Variants in INTS9 observed in about 807,000 individuals in gnomAD.
INTS9 encodes the protein integrator complex subunit 9, also known as protein related to CPSF subunits of 74 kDa.
Under a neutral mutation model 79.7 loss-of-function variants are expected in INTS9, and 55 were observed. The ratio of observed to expected loss-of-function variants is 0.69; its 90% CI spans 0.56 to 0.86. INTS9 has a LOEUF of 0.86. INTS9 is among the 40% of genes least tolerant of loss of function. INTS9 has a pLI of 0.00. For missense variants in INTS9, 721 were observed against 831.5 expected, an observed-to-expected ratio of 0.87 and a Z score of 1.64; for synonymous variants, 319 against 325.2, an observed-to-expected ratio of 0.98 and a Z score of 0.20.
At chr8:28,860,898 G>T (rs754069612) in intron 1 of INTS9, among the ~76,000 whole-genome samples, 13 of 152,206 alleles carry the variant, frequency 8.5e-5, no homozygotes, top group Admixed American at 2.6e-4. Flanking sequence ...TGCTCTGTTG[G>T]TTCTATCTTT....
intron 5 of INTS9, among the ~76,000 whole-genome samples, chr8:28,836,241 G>A (rs1296699599): frequency 6.6e-6 from 1 of 152,210 alleles, no homozygotes; most frequent in Non-Finnish European, 1.5e-5. Context: ...AGCTCTCTCT[G>A]AGATGAGACG....
chr8:28,819,068 A>G (rs373688481), intron 6 of INTS9, among the ~76,000 whole-genome samples: 1 of 152,006 alleles, frequency 6.6e-6, no homozygotes, highest in Non-Finnish European at 1.5e-5. Context: ...TCTTGCTAGC[A>G]GTCTATCAAT....
At chr8:28,835,105 C>T (rs1806727511) in intron 6 of INTS9, among the ~76,000 whole-genome samples, 187 bp downstream of exon 6, 1 of 152,236 alleles carries the variant, frequency 6.6e-6, no homozygotes, top group Non-Finnish European at 1.5e-5. Context: ...CAGCATAGCA[C>T]CTTGCACATA....
chr8:28,783,619 A>C (rs918923407), intron 11 of INTS9: 3 of 152,164 alleles, frequency 2.0e-5, no homozygotes, highest in Non-Finnish European at 4.4e-5. Flanking sequence ...CACCTTGAAG[A>C]CCTCATCTTT....
intron 2 of INTS9, among the ~76,000 whole-genome samples, chr8:28,857,332 T>C (rs1053043046): frequency 2.6e-5 from 4 of 152,128 alleles, no homozygotes; most frequent in Non-Finnish European, 5.9e-5. Context: ...TGCATTATCA[T>C]GGAGGTCAGT....
At chr8:28,819,063 C>T (rs1805672257) in intron 6 of INTS9, among the ~76,000 whole-genome samples, 1 of 152,074 alleles carries the variant, frequency 6.6e-6, no homozygotes, top group Non-Finnish European at 1.5e-5. Flanking sequence ...ATTAGTCTTG[C>T]TAGCAGTCTA....
At chr8:28,868,211 A>T (rs1808871030) in intron 1 of INTS9, among the ~76,000 whole-genome samples, 1 of 152,238 alleles carries the variant, frequency 6.6e-6, no homozygotes, top group Non-Finnish European at 1.5e-5. Flanking sequence ...GACTGATGCA[A>T]TAAAGGTCCC....
chr8:28,883,182 T>A (rs1809990303), intron 1 of INTS9, among the ~76,000 whole-genome samples: 1 of 152,246 alleles, frequency 6.6e-6, no homozygotes, highest in African/African-American at 2.4e-5. Flanking sequence ...GCCTCTCCAA[T>A]CTGTCTGATC....
chr8:28,779,794 T>C (rs922214818), intron 12 of INTS9, among the ~76,000 whole-genome samples: 2 of 152,180 alleles, frequency 1.3e-5, no homozygotes, highest in African/African-American at 4.8e-5. Flanking sequence ...TGGTGGCCTC[T>C]AGGTCACAAA....
chr8:28,832,280 AG>A (rs1383491423), intron 6 of INTS9, among the ~76,000 whole-genome samples: 7 of 152,248 alleles, frequency 4.6e-5, no homozygotes, highest in Non-Finnish European at 7.3e-5. Context: ...GTACTGCACC[AG>A]GGCAGTCAGA....
chr8:28,882,504 AGAAATATATGCAAGCGATATTAACAGC>A (rs1809929500), intron 1 of INTS9, among the ~76,000 whole-genome samples: 1 of 144,734 alleles, frequency 6.9e-6, no homozygotes, highest in Admixed American at 6.8e-5. Context: ...TAAAAAAAAA[AGAAATATATGCAAGCGATATTAACAGC>A]TAAAAAAAAA....
At position 28,837,617 on chromosome 8, in the gene INTS9, G is replaced by A. The variant is rs1178676596; in HGVS notation, c.401+20C>T. Reference sequence around the variant, plus strand: ...AGCTCCGCAGTCACATCCTAGCAGGGTCAGAATCAACCCTCTCACCTGCCG... The same window carrying A: ...AGCTCCGCAGTCACATCCTAGCAGGATCAGAATCAACCCTCTCACCTGCCG... On this transcript the variant is annotated intron_variant, in intron 5 of 16. Coordinates refer to ENST00000521022, the MANE Select transcript of INTS9 (RefSeq NM_018250.4). 1 of 1,610,294 alleles carries A rather than the reference G, an allele frequency of 6.2e-7. No individual in the cohort carries two copies. Among genetic ancestry groups the A allele is most frequent in the Admixed American group, 1.7e-5 (1 of 59,850 alleles).
chr8:28,850,123 T>A, intron 3 of INTS9, 90 bp downstream of exon 3: 35 of 833,968 alleles, frequency 4.2e-5, no homozygotes, highest in Middle Eastern at 2.4e-4. Flanking sequence ...AAAAAAGCCA[T>A]CAGTCACACT....
intron 1 of INTS9, among the ~76,000 whole-genome samples, chr8:28,877,787 C>G (rs961120385): frequency 2.6e-5 from 4 of 152,076 alleles, no homozygotes; most frequent in Non-Finnish European, 4.4e-5. Flanking sequence ...AAATCAACAA[C>G]AAAAACCATG....
intron 4 of INTS9, among the ~76,000 whole-genome samples, chr8:28,846,426 A>G (rs1807518725): frequency 6.6e-6 from 1 of 152,218 alleles, no homozygotes; most frequent in South Asian, 2.1e-4. Context: ...GGCTAACCTA[A>G]GCACACAGGC....
chr8:28,817,957 G>A (rs1357799752), intron 6 of INTS9, among the ~76,000 whole-genome samples: 3 of 149,328 alleles, frequency 2.0e-5, no homozygotes, highest in East Asian at 2.0e-4. Flanking sequence ...CTGTTTGTCT[G>A]TTATTGGTGT....
chr8:28,878,632 T>C (rs1299501603), intron 1 of INTS9, among the ~76,000 whole-genome samples: 2 of 151,030 alleles, frequency 1.3e-5, no homozygotes, highest in African/African-American at 4.9e-5. Context: ...TTCACTGTTT[T>C]TTTTTTTTTA....
chr8:28,778,043 A>T (rs981565056), intron 12 of INTS9, 90 bp from the exon 13 acceptor site: 3 of 1,401,924 alleles, frequency 2.1e-6, no homozygotes, highest in African/African-American at 2.9e-5. Flanking sequence ...GGGCCCACAG[A>T]CAGTCAGGGG....
At chr8:28,793,662 T>C in intron 10 of INTS9, 145 bp downstream of exon 10, 1 of 783,654 alleles carries the variant, frequency 1.3e-6, no homozygotes. Flanking sequence ...TGGCTTTTAA[T>C]AATGCAATCT....
Sources: allele counts gnomAD v4.1 joint callset (sites outside exome capture counted in the v4.1 genomes callset), GRCh38; gene constraint gnomAD v4.1.1; transcripts MANE v1.5; gene names NCBI Gene and HGNC (gene_info 2026-07-23, HGNC 2026-07-21).